Variants in TGFBR3 observed in about 807,000 individuals in gnomAD.
TGFBR3 encodes transforming growth factor beta receptor type 3.
TGFBR3 carries 46 observed loss-of-function variants against 87.9 expected under a neutral mutation model. The ratio of observed to expected loss-of-function variants is 0.52; its 90% CI spans 0.41 to 0.67. The LOEUF is 0.67. Ranked by LOEUF, TGFBR3 falls within the 30% of genes least tolerant of loss-of-function variation. TGFBR3 has a pLI of 0.00. For synonymous variants in TGFBR3, 381 were observed against 391.6 expected, an observed-to-expected ratio of 0.97 and a Z score of 0.32; for missense variants, 866 against 1,041.9, an observed-to-expected ratio of 0.83 and a Z score of 2.32.
intron 4 of TGFBR3, among the ~76,000 whole-genome samples, chr1:91,745,704 T>C (rs1673321435): frequency 6.6e-6 from 1 of 152,262 alleles, no homozygotes; most frequent in Non-Finnish European, 1.5e-5. Flanking sequence ...CTATTTCCTC[T>C]GAAGCCATGT....
chr1:91,754,586 A>C (rs1673674014), intron 4 of TGFBR3, among the ~76,000 whole-genome samples: 1 of 152,170 alleles, frequency 6.6e-6, no homozygotes, highest in Non-Finnish European at 1.5e-5. Flanking sequence ...AGAGAAAACC[A>C]AATCCCACTT....
At chr1:91,756,051 G>T (rs284174) in intron 4 of TGFBR3, among the ~76,000 whole-genome samples, 84,654 of 151,950 alleles carry the variant, frequency 0.56, 24,149 homozygotes, top group South Asian at 0.62. Context: ...AGAAAAATCC[G>T]GCTTAGAGAA....
At position 91,886,127 on chromosome 1, in the gene TGFBR3, C is replaced by T. The variant is rs1679298738; in HGVS notation, c.-363G>A. 2.2e-6 allele frequency: 1 copy of T among 454,004 alleles called. No homozygotes were observed. The highest frequency in any genetic ancestry group is 2.0e-5 in the African/African-American group (1 of 50,020). The allele number at this position is 454,004 out of a possible 1,614,324, so 28.1% of individuals were successfully genotyped here. A position where few individuals can be genotyped will look rare whatever the true frequency, so the allele number is the denominator to read the frequency against. ...ACTCGCTGGGAAGAGGAAAGTGCCG[C>T]TCGGCGTCCCCGAAACCCTCGATTA... On this transcript the variant is annotated 5_prime_UTR_variant, in exon 1 of 17. Coordinates refer to ENST00000212355, the MANE Select transcript of TGFBR3 (RefSeq NM_003243.5).
chr1:91,905,181 C>T (rs1679820183), intron 1 of TGFBR3, among the ~76,000 whole-genome samples: 1 of 152,134 alleles, frequency 6.6e-6, no homozygotes, highest in African/African-American at 2.4e-5. Flanking sequence ...CAGAATAATC[C>T]TATTAATGTT....
chr1:91,742,310 C>T (rs1673185466), intron 4 of TGFBR3, among the ~76,000 whole-genome samples: 1 of 152,216 alleles, frequency 6.6e-6, no homozygotes. Context: ...AAGAAAAAAC[C>T]TTGTTCATTC....
intron 3 of TGFBR3, among the ~76,000 whole-genome samples, chr1:91,762,098 C>G (rs1349105586): frequency 6.6e-6 from 1 of 152,168 alleles, no homozygotes; most frequent in African/African-American, 2.4e-5. Flanking sequence ...ACACTGGGAC[C>G]ATGCAAGCTG....
chr1:91,809,393 G>C (rs1226155519), intron 2 of TGFBR3, among the ~76,000 whole-genome samples: 1 of 152,206 alleles, frequency 6.6e-6, no homozygotes, highest in Non-Finnish European at 1.5e-5. Flanking sequence ...TGGTGGCCAG[G>C]GTCTGGGGTG....
At chr1:91,815,301 AAAAATAAAATAAAATAAAAT>A (rs71586714) in intron 2 of TGFBR3, among the ~76,000 whole-genome samples, 4 of 141,080 alleles carry the variant, frequency 2.8e-5, no homozygotes, top group South Asian at 2.3e-4. Context: ...GACTCCATCT[AAAAATAAAATAAAATAAAAT>A]AAAATAAAAT....
At chr1:91,834,480 G>C (rs1237434263) in intron 2 of TGFBR3, among the ~76,000 whole-genome samples, 9 of 152,150 alleles carry the variant, frequency 5.9e-5, no homozygotes, top group Non-Finnish European at 1.3e-4. Context: ...AAATCTATCT[G>C]CCTTTGAGAG....
intron 2 of TGFBR3, among the ~76,000 whole-genome samples, chr1:91,838,316 A>C (rs913696309): frequency 6.6e-6 from 1 of 152,200 alleles, no homozygotes. Context: ...AAAACTGAGG[A>C]AATTTTTAAA....
chr1:91,742,870 A>G (rs1270459632), intron 4 of TGFBR3, among the ~76,000 whole-genome samples: 1 of 152,190 alleles, frequency 6.6e-6, no homozygotes, highest in Non-Finnish European at 1.5e-5. Context: ...AAAGAGCAGA[A>G]CATTACTCTA....
At chr1:91,812,039 G>C (rs770686285) in intron 2 of TGFBR3, among the ~76,000 whole-genome samples, 1 of 152,032 alleles carries the variant, frequency 6.6e-6, no homozygotes, top group Non-Finnish European at 1.5e-5. Context: ...GCAAACCTTC[G>C]TAAACCACAC....
At chr1:91,852,921 G>A (rs570653384) in intron 2 of TGFBR3, among the ~76,000 whole-genome samples, 6 of 152,130 alleles carry the variant, frequency 3.9e-5, no homozygotes, top group East Asian at 1.9e-4. Flanking sequence ...TTGGGAGGCC[G>A]ATATGGGTGG....
In TGFBR3 at chr1:91,725,714, T is replaced by C. The variant is rs945377472; in HGVS notation, c.885+1945A>G. 1.4e-4 allele frequency among the ~76,000 whole-genome samples: 22 copies of C among 152,342 alleles called. 1 individual carries two copies. Among genetic ancestry groups the C allele is most frequent in the Admixed American group, 1.2e-3 (19 of 15,302 alleles). On this transcript the variant is annotated intron_variant, in intron 7 of 16. Transcript: ENST00000212355. ...TTCACAGGTGACCAAACAGACTCCG[T>C]GTTCATCAGTCAGACTGCACAACAT...
At chr1:91,704,379 A>G (rs1671724182) in intron 14 of TGFBR3, among the ~76,000 whole-genome samples, 1 of 151,830 alleles carries the variant, frequency 6.6e-6, no homozygotes, top group Non-Finnish European at 1.5e-5. Context: ...GAAGTGGGGC[A>G]GGAAGAGGGG....
chr1:91,902,373 G>A (rs765814134), intron 1 of TGFBR3, among the ~76,000 whole-genome samples: 2 of 151,470 alleles, frequency 1.3e-5, no homozygotes, highest in Non-Finnish European at 2.9e-5. Context: ...CAAACTCTCG[G>A]ACTCAAGCAA....
At chr1:91,833,520 C>A (rs1034171135) in intron 2 of TGFBR3, among the ~76,000 whole-genome samples, 11 of 146,524 alleles carry the variant, frequency 7.5e-5, no homozygotes, top group South Asian at 4.3e-4. Context: ...ATAATCCCAG[C>A]ACTTTGGGAG....
At chr1:91,719,503 C>T in intron 9 of TGFBR3, 39 bp from the exon 10 acceptor site, 1 of 1,612,912 alleles carries the variant, frequency 6.2e-7, no homozygotes, top group Admixed American at 1.7e-5. Flanking sequence ...TGGAGGCCCA[C>T]AGGCAGTTCT....
rs756927421 is a variant in TGFBR3 at position 91,719,453 on chromosome 1, G to A, written c.1425C>T (p.Tyr475=). The change falls in exon 10 of 17, where the codon TAC becomes TAT. Residue 475 remains tyrosine, a synonymous_variant. Transcript: ENST00000212355. ...VEKDSFQASG[Y]SGMDVTLLDP... is the part of the protein sequence containing the mutation. ...CCAACAGGGTGACGTCCATCCCCGA[G>A]TAGCCACTGGCCTAAAACAACAACC... The A allele has an allele frequency of 1.2e-5, 20 of 1,613,446 alleles. No individual in the cohort carries two copies. Among genetic ancestry groups the A allele is most frequent in the Non-Finnish European group, 1.7e-5 (20 of 1,179,974 alleles).
Sources: allele counts gnomAD v4.1 joint callset (sites outside exome capture counted in the v4.1 genomes callset), GRCh38; gene constraint gnomAD v4.1.1; transcripts MANE v1.5; gene names NCBI Gene and HGNC (gene_info 2026-07-23, HGNC 2026-07-21).